The following CALU variants were observed in gnomAD, a reference collection of about 807,000 sequenced individuals.
CALU encodes IEF SSP 9302.
Under a neutral mutation model 37.5 loss-of-function variants are expected in CALU, and 13 were observed. That is an observed-to-expected ratio of 0.35 (90% CI 0.23 to 0.55). The LOEUF is 0.55. Ranked by LOEUF, CALU falls within the 20% of genes least tolerant of loss-of-function variation. The pLI, the probability that CALU is intolerant of heterozygous loss-of-function variation, is 0.89. For missense variants in CALU, 282 were observed against 391.7 expected (o/e 0.72, Z 2.36); for synonymous variants, 114 against 133.8 (o/e 0.85, Z 1.02).
chr7:128,750,220 C>CAAAAAAAAA (rs398006225), intron 2 of CALU, among the ~76,000 whole-genome samples: 2 of 75,084 alleles, frequency 2.7e-5, no homozygotes, highest in Admixed American at 1.5e-4. Flanking sequence ...AGAGCCATCT[C>CAAAAAAAAA]AAAAAAAAAA....
chr7:128,764,653 C>G (rs952830866), intron 5 of CALU, among the ~76,000 whole-genome samples: 4 of 151,522 alleles, frequency 2.6e-5, no homozygotes, highest in African/African-American at 9.7e-5. Context: ...ATGAAAGTGG[C>G]ATTGTGGGTA....
chr7:128,751,166 T>G lies in CALU; in HGVS notation c.221+2362T>G, dbSNP rs572485337. On this transcript the variant is annotated intron_variant, in intron 2 of 6. Coordinates refer to ENST00000249364, the MANE Select transcript of CALU (RefSeq NM_001219.5). ...AGCTGGGCCTGGTGGCGCGTGCCTG[T>G]AGTCCCAGCTACTTGGGAGGCTGAG... Among the ~76,000 whole-genome samples the G allele has an allele frequency of 8.6e-5, 13 of 151,866 alleles. No individual in the cohort carries two copies. In the East Asian group the frequency reaches 1.9e-3, roughly 23 times the overall value.
chr7:128,750,221 A>C (rs1294213940), intron 2 of CALU, among the ~76,000 whole-genome samples: 1 of 68,418 alleles, frequency 1.5e-5, no homozygotes, highest in Admixed American at 1.4e-4. Flanking sequence ...GAGCCATCTC[A>C]AAAAAAAAAA....
At chr7:128,743,834 G>A (rs1376441072) in intron 1 of CALU, among the ~76,000 whole-genome samples, 4 of 152,082 alleles carry the variant, frequency 2.6e-5, no homozygotes, top group Non-Finnish European at 5.9e-5. Flanking sequence ...TGTTGAAGTG[G>A]GTGAGGAAAA....
intron 2 of CALU, among the ~76,000 whole-genome samples, chr7:128,751,116 C>A (rs1422852302): frequency 2.6e-5 from 4 of 151,716 alleles, no homozygotes; most frequent in African/African-American, 9.7e-5. Flanking sequence ...GGTGAAATCC[C>A]ATCTCTACTA....
chr7:128,747,910 G>C (rs1164719134), intron 1 of CALU: 2 of 160,304 alleles, frequency 1.2e-5, no homozygotes, highest in African/African-American at 4.8e-5. Context: ...CTGTGCAGAA[G>C]GATAAAGACG....
intron 2 of CALU, among the ~76,000 whole-genome samples, chr7:128,750,826 C>T (rs1008399798): frequency 5.9e-5 from 9 of 152,028 alleles, no homozygotes; most frequent in African/African-American, 9.7e-5. Flanking sequence ...CAAAAATTCA[C>T]GACTTTTTGA....
At chr7:128,768,670 C>G (rs1389849061) in intron 6 of CALU, among the ~76,000 whole-genome samples, 3 of 151,972 alleles carry the variant, frequency 2.0e-5, no homozygotes, top group African/African-American at 4.8e-5. Flanking sequence ...GAAACCCCAT[C>G]TCTACTAAAA....
At chr7:128,754,902 C>T (rs1166329839) in intron 3 of CALU, among the ~76,000 whole-genome samples, 1 of 151,950 alleles carries the variant, frequency 6.6e-6, no homozygotes, top group South Asian at 2.1e-4. Context: ...TTTTTGTTTT[C>T]TGAAGTCTGG....
chr7:128,749,814 C>T (rs1800589727), intron 2 of CALU, among the ~76,000 whole-genome samples: 2 of 152,230 alleles, frequency 1.3e-5, no homozygotes, highest in East Asian at 1.9e-4. Flanking sequence ...TGTCACATAG[C>T]ATTTGAAAGT....
At chr7:128,767,308 TTCTA>T (rs1801373571) in intron 5 of CALU, 144 bp from the exon 6 acceptor site, 1 of 648,520 alleles carries the variant, frequency 1.5e-6, no homozygotes, top group Non-Finnish European at 2.8e-6. Context: ...ATACCTTGCT[TTCTA>T]AGGTCTGTCT....
At chr7:128,760,691 A>G (rs937386649) in intron 5 of CALU, among the ~76,000 whole-genome samples, 98 of 152,032 alleles carry the variant, frequency 6.4e-4, no homozygotes, top group Non-Finnish European at 9.3e-4. Flanking sequence ...GGCGGATCAC[A>G]AGGTCAGGAG....
At position 128,772,502 on chromosome 7, in the gene CALU, T is replaced by C. The variant is rs1406268333; in HGVS notation, c.*3335T>C. On this transcript the variant is annotated 3_prime_UTR_variant, in exon 7 of 7. Coordinates refer to ENST00000249364, the MANE Select transcript of CALU (RefSeq NM_001219.5). Reference sequence around the variant, plus strand: ...ATAGAAACTTACTTAAAAGTAAAATTTAATTCTAGCTGTTGCAAACAGGCC... The same window carrying C: ...ATAGAAACTTACTTAAAAGTAAAATCTAATTCTAGCTGTTGCAAACAGGCC... 6.2e-7 allele frequency: 1 copy of C among 1,613,646 alleles called. No individual in the cohort carries two copies. Among genetic ancestry groups the C allele is most frequent in the Non-Finnish European group, 8.5e-7 (1 of 1,179,584 alleles).
intron 5 of CALU, 120 bp from the exon 6 acceptor site, chr7:128,767,336 C>T (rs1470770336): frequency 4.0e-6 from 3 of 759,168 alleles, no homozygotes; most frequent in Non-Finnish European, 7.1e-6. Context: ...CTAAAATACC[C>T]TTGTAGCTGC....
chr7:128,740,123 AT>A (rs2128876406), intron 1 of CALU, among the ~76,000 whole-genome samples: 1 of 152,248 alleles, frequency 6.6e-6, no homozygotes, highest in Non-Finnish European at 1.5e-5. Context: ...TATCCTACTG[AT>A]TTTTAGCATG....
At chr7:128,765,757 A>G (rs1046215175) in intron 5 of CALU, among the ~76,000 whole-genome samples, 1 of 152,212 alleles carries the variant, frequency 6.6e-6, no homozygotes, top group Non-Finnish European at 1.5e-5. Flanking sequence ...TTTCATATCC[A>G]TGGATGACAA....
At chr7:128,756,905 G>A (rs550604788) in intron 3 of CALU, among the ~76,000 whole-genome samples, 4 of 152,050 alleles carry the variant, frequency 2.6e-5, no homozygotes, top group Admixed American at 1.3e-4. Flanking sequence ...GCCAGACCCC[G>A]TCTTTACAAA....
At chr7:128,759,724 A>T in intron 4 of CALU, 68 bp from the exon 5 acceptor site, 2 of 821,730 alleles carry the variant, frequency 2.4e-6, no homozygotes, top group East Asian at 2.5e-5. Flanking sequence ...CCTAAACTAG[A>T]TACTTTACTT....
chr7:128,759,163 A>T, intron 4 of CALU, 126 bp downstream of exon 4: 1 of 654,126 alleles, frequency 1.5e-6, no homozygotes, highest in Non-Finnish European at 2.4e-6. Context: ...ATCACTGTAT[A>T]TGCTATATAA....
Sources: allele counts gnomAD v4.1 joint callset (sites outside exome capture counted in the v4.1 genomes callset), GRCh38; gene constraint gnomAD v4.1.1; transcripts MANE v1.5; gene names NCBI Gene and HGNC (gene_info 2026-07-23, HGNC 2026-07-21).